Variants in SCN1A observed in about 807,000 individuals in gnomAD.
The protein encoded by SCN1A is sodium channel protein type 1 subunit alpha.
SCN1A carries 13 observed loss-of-function variants against 193.7 expected under a neutral mutation model. The observed-to-expected ratio is 0.07, with a 90% confidence interval of 0.04 to 0.11. The LOEUF (loss-of-function observed/expected upper bound fraction) is 0.11, where lower values mean the gene tolerates loss of function less well. Ranked by LOEUF, SCN1A falls within the 10% of genes least tolerant of loss-of-function variation. SCN1A has a pLI of 1.00. For synonymous variants in SCN1A, 781 were observed against 843.6 expected (o/e 0.93, Z 1.29); for missense variants, 1,432 against 2,451.1 (o/e 0.58, Z 8.78).
intron 28 of SCN1A, 94 bp downstream of exon 28, chr2:165,994,052 A>C (rs1689656469): frequency 2.0e-6 from 2 of 1,013,364 alleles, no homozygotes; most frequent in South Asian, 3.0e-5. Flanking sequence ...TACAGTGATT[A>C]TCTCTGATTG....
intron 1 of SCN1A, among the ~76,000 whole-genome samples, chr2:166,136,852 C>T (rs1237388895): frequency 3.3e-5 from 5 of 152,140 alleles, no homozygotes; most frequent in Non-Finnish European, 2.9e-5. Flanking sequence ...AGGAATGCAG[C>T]TGCTTTTTTA....
In SCN1A at chr2:165,996,037, C is replaced by A; in HGVS notation, c.4557G>T (p.Pro1519=). 6.2e-7 allele frequency: 1 copy of A among 1,607,742 alleles called. No homozygotes were observed. Residue 1519 remains proline (P), a synonymous_variant, in exon 27 of 29, where the codon CCG becomes CCT. Coordinates refer to ENST00000674923, the MANE Select transcript of SCN1A (RefSeq NM_001165963.4). ...NAMKKLGSKK[P]QKPIPRPGNK... ...CTCCTGGTCGAGGTATAGGCTTTTG[C>A]GGTTTTTTCGATCCTAATTTTTTCA...
intron 2 of SCN1A, among the ~76,000 whole-genome samples, chr2:166,103,068 GAT>G (rs58394206): frequency 8.1e-5 from 12 of 148,900 alleles, no homozygotes; most frequent in African/African-American, 7.4e-5. Context: ...AGATTTGGGA[GAT>G]ATATATATAT....
Position 166,045,132 on chromosome 2 carries a change from A to G in SCN1A, c.1573T>C (p.Ser525Pro). 6.2e-6 allele frequency: 10 copies of G among 1,614,114 alleles called. No homozygotes were observed. Among genetic ancestry groups the G allele is most frequent in the Non-Finnish European group, 8.5e-6 (10 of 1,180,004 alleles). ...KDEDEFQKSE[S>P]EDSIRRKGFR... ...CCTTTCCTCCTGATGCTGTCCTCAG[A>G]TTCAGATTTTTGGAATTCATCCTCA... Residue 525 changes from serine to proline, a missense_variant, in exon 13 of 29, where the codon TCT becomes CCT. Transcript: ENST00000674923.
intron 1 of SCN1A, among the ~76,000 whole-genome samples, chr2:166,127,389 T>C (rs1325795251): frequency 2.0e-5 from 3 of 152,106 alleles, no homozygotes; most frequent in Non-Finnish European, 4.4e-5. Context: ...TGACCTCTAT[T>C]CCCAGCCAGC....
chr2:166,073,649 A>G lies in SCN1A; in HGVS notation c.-28T>C. On this transcript the variant is annotated 5_prime_UTR_variant, in exon 4 of 29. The change abolishes an upstream ATG in the 5' untranslated region. Transcript: ENST00000674923. Reference sequence around the variant, plus strand: ...TGTCATCCTGCACATTTTAATTACCATTTATTCTGCATATGAAATTCCTAA... The same window carrying G: ...TGTCATCCTGCACATTTTAATTACCGTTTATTCTGCATATGAAATTCCTAA... The G allele has an allele frequency of 6.2e-7, 1 of 1,612,938 alleles. No homozygotes were observed.
intron 4 of SCN1A, among the ~76,000 whole-genome samples, chr2:166,069,245 T>G (rs1028956296): frequency 6.6e-6 from 1 of 152,204 alleles, no homozygotes; most frequent in Non-Finnish European, 1.5e-5. Flanking sequence ...TTTTTTCCCC[T>G]GAGTTTTTAA....
chr2:166,036,818 G>A (rs1696448681), intron 18 of SCN1A, among the ~76,000 whole-genome samples: 1 of 152,136 alleles, frequency 6.6e-6, no homozygotes, highest in African/African-American at 2.4e-5. Flanking sequence ...AATTGTATGA[G>A]TAGAAGAAAA....
rs1479913332 is a variant in SCN1A, at chr2:166,073,566, C to T, written c.56G>A (p.Arg19Lys). Residue 19 changes from arginine to lysine, a missense_variant, in exon 4 of 29, where the codon AGA (arginine) becomes AAA (lysine). Transcript: ENST00000674923. Reference sequence around the variant, plus strand: ...TCTTTCAATAGCCGCAAGAGATTCTCTGGTGAAGAAGTTGAAGCTGTCAGG... The same window carrying T: ...TCTTTCAATAGCCGCAAGAGATTCTTTGGTGAAGAAGTTGAAGCTGTCAGG... ...PGPDSFNFFT[R>K]ESLAAIERRI... The T allele has an allele frequency of 6.2e-7, 1 of 1,614,190 alleles. No individual in the cohort carries two copies. The highest frequency in any genetic ancestry group is 1.1e-5 in the South Asian group (1 of 91,084).
chr2:166,029,637 G>GA (rs1354922798), intron 19 of SCN1A, among the ~76,000 whole-genome samples: 2 of 152,034 alleles, frequency 1.3e-5, no homozygotes, highest in Admixed American at 6.6e-5. Context: ...ATATAATTGG[G>GA]AAAAAATGGA....
chr2:166,015,989 C>A, intron 19 of SCN1A: 6 of 422,430 alleles, frequency 1.4e-5, no homozygotes, highest in South Asian at 1.4e-4. Flanking sequence ...ATGTACTGAG[C>A]AAAACACTGC....
At chr2:166,148,702 G>GT (rs1692418719) in intron 1 of SCN1A, among the ~76,000 whole-genome samples, 1 of 152,226 alleles carries the variant, frequency 6.6e-6, no homozygotes, top group South Asian at 2.1e-4. Context: ...CAAGGGCAAC[G>GT]TAACAGCCAA....
chr2:165,992,597 T>A lies in SCN1A; in HGVS notation c.4853-175A>T, dbSNP rs1689411731. ...CATAATATATTATAAATCTTAATTT[T>A]GAAATTCAGCAATAATTTCAATTAT... On this transcript the variant is annotated intron_variant, in intron 28 of 28. Transcript: ENST00000674923. This position sits in a 1 kb window ranked among gnomAD's most constrained non-coding sequence, Gnocchi z 6.5. 3.0e-6 allele frequency: 1 copy of A among 335,494 alleles called. No individual in the cohort carries two copies. Among genetic ancestry groups the A allele is most frequent in the Non-Finnish European group, 4.8e-6 (1 of 206,804 alleles). The allele number at this position is 335,494 out of a possible 1,614,324, so 20.8% of individuals were successfully genotyped here.
intron 22 of SCN1A, among the ~76,000 whole-genome samples, chr2:166,011,596 T>G (rs190661358): frequency 5.0e-4 from 75 of 151,340 alleles, no homozygotes; most frequent in Admixed American, 1.9e-3. Context: ...TTAAATCTAC[T>G]CTTTAAAAAG....
chr2:166,124,752 C>A (rs75594210), intron 2 of SCN1A, among the ~76,000 whole-genome samples: 1 of 152,252 alleles, frequency 6.6e-6, no homozygotes, highest in Non-Finnish European at 1.5e-5. Context: ...AGAACACAGA[C>A]GCCATGGCCA....
intron 1 of SCN1A, among the ~76,000 whole-genome samples, chr2:166,140,152 C>A (rs1692022692): frequency 6.6e-6 from 1 of 152,058 alleles, no homozygotes; most frequent in African/African-American, 2.4e-5. Flanking sequence ...AACGAGGTGA[C>A]TAAGTGTGAT....
chr2:166,131,926 T>C (rs975546462), upstream of SCN1A, among the ~76,000 whole-genome samples: 7 of 152,284 alleles, frequency 4.6e-5, no homozygotes, highest in East Asian at 5.8e-4. Flanking sequence ...CAGATTCCCT[T>C]GTTTAGAGTT....
At chr2:166,086,610 G>A (rs1686147627) in intron 2 of SCN1A, among the ~76,000 whole-genome samples, 1 of 152,118 alleles carries the variant, frequency 6.6e-6, no homozygotes, top group Admixed American at 6.5e-5. Context: ...GCTTCTGGCT[G>A]GAAGTTATGC....
At chr2:166,086,476 G>C (rs1241872412) in intron 2 of SCN1A, among the ~76,000 whole-genome samples, 4 of 152,130 alleles carry the variant, frequency 2.6e-5, no homozygotes, top group African/African-American at 7.2e-5. Context: ...TTGAGGATGT[G>C]CATGCTTCTC....
Sources: allele counts gnomAD v4.1 joint callset (sites outside exome capture counted in the v4.1 genomes callset), GRCh38; gene constraint gnomAD v4.1.1; non-coding constraint Gnocchi (gnomAD v3.1); transcripts MANE v1.5; gene names NCBI Gene and HGNC (gene_info 2026-07-23, HGNC 2026-07-21).